Variants in ICE2 observed in about 807,000 individuals in gnomAD.
ICE2 encodes interactor of little elongation complex ELL subunit 2.
A neutral mutation model predicts 105.4 loss-of-function variants in ICE2; 87 were observed. That is an observed-to-expected ratio of 0.83 (90% confidence interval 0.69 to 0.99). ICE2 has a LOEUF of 0.99. Ranked by LOEUF, ICE2 falls within the 50% of genes least tolerant of loss-of-function variation. The pLI is 0.00. For missense variants in ICE2, 1,323 were observed against 1,146.7 expected (o/e 1.15, Z -2.22); for synonymous variants, 399 against 392.0 (o/e 1.02, Z -0.21).
intron 12 of ICE2, among the ~76,000 whole-genome samples, chr15:60,436,583 C>T (rs1282580446): frequency 6.6e-6 from 1 of 151,276 alleles, no homozygotes; most frequent in Non-Finnish European, 1.5e-5. Context: ...GGCGTAGTGG[C>T]GGGCGCCTGT....
At chr15:60,466,788 A>G (rs190300537) in intron 4 of ICE2, 75 bp from the exon 5 acceptor site, 2 of 1,234,958 alleles carry the variant, frequency 1.6e-6, no homozygotes, top group East Asian at 2.4e-5. Context: ...AATCATTGCT[A>G]TAATAATTTG....
intron 14 of ICE2, among the ~76,000 whole-genome samples, chr15:60,431,519 C>T (rs920330039): frequency 6.6e-6 from 1 of 152,158 alleles, no homozygotes; most frequent in Non-Finnish European, 1.5e-5. Flanking sequence ...CAGGTGGTCA[C>T]TAGAAACTGA....
chr15:60,429,618 C>T (rs2063411970), intron 14 of ICE2, among the ~76,000 whole-genome samples: 1 of 152,062 alleles, frequency 6.6e-6, no homozygotes, highest in Non-Finnish European at 1.5e-5. Context: ...CGGTTCTTTA[C>T]AATATATTAT....
chr15:60,459,811 A>C (rs890273789), intron 5 of ICE2, among the ~76,000 whole-genome samples: 2 of 152,186 alleles, frequency 1.3e-5, no homozygotes, highest in African/African-American at 2.4e-5. Context: ...CACTAAGAGA[A>C]CAGAAAGTCG....
intron 3 of ICE2, among the ~76,000 whole-genome samples, chr15:60,473,225 T>C (rs1025922304): frequency 6.6e-6 from 1 of 151,894 alleles, no homozygotes. Context: ...ATTATAGGCA[T>C]GAGCTGCTGT....
intron 15 of ICE2, among the ~76,000 whole-genome samples, chr15:60,424,215 A>G (rs1328643092): frequency 6.6e-5 from 10 of 152,092 alleles, no homozygotes; most frequent in Admixed American, 6.5e-4. Context: ...AAGAAAGATA[A>G]TAAGAAGGGT....
intron 1 of ICE2, 148 bp downstream of exon 1, chr15:60,478,855 A>G: frequency 2.4e-6 from 1 of 419,034 alleles, no homozygotes; most frequent in Non-Finnish European, 4.9e-6. Context: ...GGGCAAGCAA[A>G]GCAGGGGTAG....
At chr15:60,425,343 T>C (rs1403460556) in intron 15 of ICE2, among the ~76,000 whole-genome samples, 1 of 152,228 alleles carries the variant, frequency 6.6e-6, no homozygotes, top group African/African-American at 2.4e-5. Context: ...TAAAGGTATA[T>C]TGACCACACT....
chr15:60,464,839 G>T (rs1352913581), intron 5 of ICE2, among the ~76,000 whole-genome samples: 1 of 152,084 alleles, frequency 6.6e-6, no homozygotes, highest in Admixed American at 6.6e-5. Context: ...GAACACAGGA[G>T]GCCCTGTATC....
At chr15:60,475,109 C>A (rs577514504) in intron 3 of ICE2, among the ~76,000 whole-genome samples, 1 of 152,076 alleles carries the variant, frequency 6.6e-6, no homozygotes, top group African/African-American at 2.4e-5. Context: ...AAAGGAGAAA[C>A]GAAGAAAGTA....
rs1171745059 is a variant in ICE2 at position 60,442,415 on chromosome 15, C to A, written c.2425+1G>T. 1.3e-6 allele frequency: 2 copies of A among 1,578,164 alleles called. No individual in the cohort carries two copies. Among genetic ancestry groups the A allele is most frequent in the Non-Finnish European group, 1.7e-6 (2 of 1,171,956 alleles). ...AGAATAAAGACTTTTGTATAACTTA[C>A]CAACATAAAATGAGCTGTTGGAATG... On this transcript the variant is annotated splice_donor_variant, in intron 12 of 15. Coordinates refer to ENST00000261520, the MANE Select transcript of ICE2 (RefSeq NM_024611.6). LOFTEE classifies it high-confidence loss of function.
chr15:60,447,203 A>G (rs1052653000), intron 11 of ICE2, among the ~76,000 whole-genome samples: 1 of 152,196 alleles, frequency 6.6e-6, no homozygotes, highest in African/African-American at 2.4e-5. Flanking sequence ...GACCTTACAT[A>G]TGTGTGAAAG....
intron 12 of ICE2, chr15:60,441,324 T>G (rs987676860): frequency 6.6e-6 from 1 of 152,194 alleles, no homozygotes; most frequent in Non-Finnish European, 1.5e-5. Context: ...ATTATCTACT[T>G]AATACTCTCA....
intron 3 of ICE2, among the ~76,000 whole-genome samples, chr15:60,472,134 T>C (rs1333906123): frequency 1.3e-5 from 2 of 152,096 alleles, no homozygotes; most frequent in Non-Finnish European, 2.9e-5. Context: ...TTTTATTTTC[T>C]TGGGGGACTT....
chr15:60,456,687 T>A lies in ICE2; in HGVS notation c.636A>T (p.Gly212=). Residue 212 remains glycine (G), a synonymous_variant, in exon 6 of 16, where the codon GGA becomes GGT. Transcript: ENST00000261520. ...MGFFPFRVEM[G]LKLEKTLLAL... ...CGAGAAGAGTTTTTTCTAACTTTAA[T>A]CCCATCTCTACTCTGAATGGGAAGA... The A allele has an allele frequency of 1.9e-6, 3 of 1,593,814 alleles. No homozygotes were observed. The highest frequency in any genetic ancestry group is 2.6e-6 in the Non-Finnish European group (3 of 1,171,448).
At position 60,477,928 on chromosome 15, in the gene ICE2, A is replaced by G; in HGVS notation, c.41+9T>C. On this transcript the variant is annotated intron_variant, in intron 2 of 15. Transcript: ENST00000261520. ...CTCTTCAGTGGATTACAAAGTGGCTACAACTCACCAATTCAGTCCTGGTTC... is the reference window on the plus strand; with the variant it reads ...CTCTTCAGTGGATTACAAAGTGGCTGCAACTCACCAATTCAGTCCTGGTTC... 6.2e-7 allele frequency: 1 copy of G among 1,612,982 alleles called. No homozygotes were observed.
Position 60,478,540 on chromosome 15 carries a change from T to TTAAGTGAC in ICE2, c.-93+455_-93+462dup, listed in dbSNP as rs568115347. On this transcript the variant is annotated intron_variant, in intron 1 of 15. Transcript: ENST00000261520. ...ACATTTGAGAAGACTTGAGGTCAAC[T>TTAAGTGAC]TAAGTGACATTTCACAAGATCACTT... is the stretch of plus-strand genomic sequence containing the variant. 2.8e-4 allele frequency: 59 copies of TTAAGTGAC among 211,554 alleles called. 1 individual carries two copies. The South Asian group carries it at 3.5e-3, about 13-fold the overall frequency. 13.1% of individuals were successfully genotyped at this position (211,554 alleles called of 1,614,324 possible). A position where few individuals can be genotyped will look rare whatever the true frequency, so the allele number is the denominator to read the frequency against.
In ICE2 at chr15:60,456,786, TA is replaced by T; in HGVS notation, c.536del (p.Leu179Ter). ...DDARLFTEKILRACIEQVKKY... is the reference protein window; with the variant it reads ...DDARLFTEKIXRACIEQVKKY... ...TTTTCACTTGTTCAATGCAAGCTCT[TA>T]AAATTTTCTGAGAAACAGAAATTAA... is the stretch of plus-strand genomic sequence containing the variant. On this transcript the variant is annotated frameshift_variant, in exon 6 of 16. Transcript: ENST00000261520. LOFTEE classifies it high-confidence loss of function. The T allele has an allele frequency of 6.8e-7, 1 of 1,478,544 alleles. No homozygotes were observed. The highest frequency in any genetic ancestry group is 9.0e-7 in the Non-Finnish European group (1 of 1,112,198). 91.6% of individuals were successfully genotyped at this position (1,478,544 alleles called of 1,614,324 possible). A position where few individuals can be genotyped will look rare whatever the true frequency, so the allele number is the denominator to read the frequency against.
intron 13 of ICE2, among the ~76,000 whole-genome samples, chr15:60,433,855 G>A (rs1020640451): frequency 6.6e-6 from 1 of 151,930 alleles, no homozygotes; most frequent in Non-Finnish European, 1.5e-5. Context: ...TGGAGAGTAG[G>A]GTAGGGAAAA....
Sources: gnomAD v4.1 joint callset for allele counts (sites outside exome capture counted in the v4.1 genomes callset) on GRCh38, gnomAD v4.1.1 for gene constraint, MANE v1.5 for transcripts, NCBI Gene and HGNC (gene_info 2026-07-23, HGNC 2026-07-21) for gene names.